The following PSD3 variants were observed in gnomAD, a reference collection of about 807,000 sequenced individuals.
PSD3 encodes the protein pleckstrin and Sec7 domain containing 3.
In PSD3, 49 loss-of-function variants were observed where a neutral mutation model predicts 105.5. The observed-to-expected ratio is 0.46, with a 90% confidence interval of 0.37 to 0.59. The LOEUF (loss-of-function observed/expected upper bound fraction) is 0.59, where lower values mean the gene tolerates loss of function less well. Ranked by LOEUF, PSD3 falls within the 20% of genes least tolerant of loss-of-function variation. PSD3 has a pLI of 0.00. For missense variants in PSD3, 1,561 were observed against 1,263.8 expected, an observed-to-expected ratio of 1.24 and a Z score of -3.57; for synonymous variants, 557 against 457.8, an observed-to-expected ratio of 1.22 and a Z score of -2.77.
At chr8:18,604,128 A>C (rs1184455821) in intron 11 of PSD3, among the ~76,000 whole-genome samples, 3 of 152,166 alleles carry the variant, frequency 2.0e-5, no homozygotes, top group African/African-American at 7.2e-5. Flanking sequence ...GCTCAGAATA[A>C]TACAGGAAGA....
intron 2 of PSD3, among the ~76,000 whole-genome samples, chr8:18,889,710 ATC>A (rs1304433903): frequency 6.6e-6 from 1 of 152,166 alleles, no homozygotes; most frequent in African/African-American, 2.4e-5. Flanking sequence ...GTGTCTAAGG[ATC>A]TGTAAGCATA....
At chr8:18,786,482 T>C (rs1051057132) in intron 8 of PSD3, among the ~76,000 whole-genome samples, 1 of 152,236 alleles carries the variant, frequency 6.6e-6, no homozygotes, top group African/African-American at 2.4e-5. Context: ...TATTTGGCAG[T>C]GCCTTCTGTC....
At chr8:18,731,114 G>C (rs1286400285) in intron 9 of PSD3, among the ~76,000 whole-genome samples, 2 of 151,582 alleles carry the variant, frequency 1.3e-5, no homozygotes, top group African/African-American at 2.4e-5. Flanking sequence ...AAATTAGCTG[G>C]ACGTGGGGGC....
chr8:18,970,181 C>G (rs4265219), intron 1 of PSD3, among the ~76,000 whole-genome samples: 46 of 150,952 alleles, frequency 3.0e-4, no homozygotes, highest in African/African-American at 1.1e-3. Flanking sequence ...AAAAATTAGC[C>G]GGGCGTGGTG....
chr8:19,073,550 C>CAAAAAAAA lies in PSD3; in HGVS notation c.324+10648_324+10655dup, dbSNP rs869154642. Among the ~76,000 whole-genome samples the CAAAAAAAA allele has an allele frequency of 4.4e-3, 305 of 69,142 alleles. 3 individuals are homozygous for CAAAAAAAA. The highest frequency in any genetic ancestry group is 6.1e-3 in the African/African-American group (99 of 16,276). The allele number at this position is 69,142 out of a possible 152,430, so 45.4% of individuals were successfully genotyped here. ...TGGGCGACAGAGTGAAACTGTCTCT[C>CAAAAAAAA]AAAAAAAAAAAAAAAAAAAAAAAAA... On this transcript the variant is annotated intron_variant, in intron 1 of 1. Coordinates refer to the PSD3 transcript ENST00000521475.
intron 1 of PSD3, among the ~76,000 whole-genome samples, chr8:19,003,742 C>CAG (rs1028992355): frequency 1.4e-5 from 2 of 144,144 alleles, no homozygotes; most frequent in Non-Finnish European, 3.0e-5. Flanking sequence ...ACCACACTGG[C>CAG]AGGGGGTGGG....
intron 11 of PSD3, among the ~76,000 whole-genome samples, chr8:18,610,227 T>C (rs1805156254): frequency 1.3e-5 from 2 of 152,092 alleles, no homozygotes; most frequent in Admixed American, 1.3e-4. Context: ...CTATACTTCT[T>C]TATTTGAGTC....
chr8:18,744,927 T>C (rs1804884088), intron 9 of PSD3, among the ~76,000 whole-genome samples: 1 of 152,204 alleles, frequency 6.6e-6, no homozygotes, highest in Non-Finnish European at 1.5e-5. Context: ...CAAAAGAAGA[T>C]GGGCCAGTTA....
chr8:18,854,975 G>A (rs1396687287), intron 4 of PSD3, among the ~76,000 whole-genome samples: 2 of 152,200 alleles, frequency 1.3e-5, no homozygotes, highest in African/African-American at 4.8e-5. Context: ...TGCCACAGAG[G>A]CATCCGAGAA....
intron 15 of PSD3, among the ~76,000 whole-genome samples, chr8:18,540,742 A>C (rs187123966): frequency 6.6e-6 from 1 of 152,198 alleles, no homozygotes; most frequent in East Asian, 1.9e-4. Flanking sequence ...GTTAAAACAC[A>C]AGACAGAGTG....
At chr8:18,966,675 G>C (rs1310748303) in intron 1 of PSD3, among the ~76,000 whole-genome samples, 1 of 152,014 alleles carries the variant, frequency 6.6e-6, no homozygotes, top group Non-Finnish European at 1.5e-5. Context: ...TCTCAAACAG[G>C]GGACTCCTCA....
intron 8 of PSD3, among the ~76,000 whole-genome samples, chr8:18,789,302 C>T (rs1371508526): frequency 6.6e-6 from 1 of 152,096 alleles, no homozygotes; most frequent in African/African-American, 2.4e-5. Context: ...TGATACACTG[C>T]AACCGACTAT....
chr8:18,859,423 G>C (rs1481915379), intron 4 of PSD3, among the ~76,000 whole-genome samples: 1 of 152,172 alleles, frequency 6.6e-6, no homozygotes, highest in African/African-American at 2.4e-5. Flanking sequence ...CTTCAATTTA[G>C]TGTCACTAGC....
At chr8:18,973,990 C>T (rs1250495549) in intron 1 of PSD3, among the ~76,000 whole-genome samples, 1 of 152,164 alleles carries the variant, frequency 6.6e-6, no homozygotes, top group African/African-American at 2.4e-5. Flanking sequence ...GGATCCCAGA[C>T]CATCACACTC....
chr8:18,956,958 A>AC (rs987712163), intron 1 of PSD3, among the ~76,000 whole-genome samples: 45 of 152,184 alleles, frequency 3.0e-4, no homozygotes, highest in Admixed American at 3.3e-4. Context: ...CATAGGGATA[A>AC]CCAAGAGTTA....
upstream of PSD3, among the ~76,000 whole-genome samples, chr8:19,018,542 G>A (rs532215951): frequency 1.3e-5 from 2 of 152,134 alleles, no homozygotes; most frequent in Non-Finnish European, 2.9e-5. Flanking sequence ...TGTTCCAATA[G>A]TCAATTCATT....
chr8:18,607,496 T>C (rs1804929282), intron 11 of PSD3, among the ~76,000 whole-genome samples: 2 of 151,948 alleles, frequency 1.3e-5, no homozygotes, highest in African/African-American at 2.4e-5. Flanking sequence ...GCAGCACTTG[T>C]TTCTCCATAG....
chr8:19,065,033 A>G (rs553497902), intron 1 of PSD3, among the ~76,000 whole-genome samples: 142 of 152,294 alleles, frequency 9.3e-4, no homozygotes, highest in African/African-American at 3.2e-3. Context: ...TTCCAAAAAA[A>G]CCAGGAGATT....
At position 18,835,931 on chromosome 8, in the gene PSD3, T is replaced by C. The variant is rs1269914849; in HGVS notation, c.1635-31033A>G. 2.0e-5 allele frequency among the ~76,000 whole-genome samples: 3 copies of C among 151,890 alleles called. No homozygotes were observed. The South Asian group carries it at 6.3e-4, about 32-fold the overall frequency. The stretch of plus-strand genomic sequence containing the variant: ...GGAGGTCATGGTAAAGGCTCTGGCT[T>C]TGACTCTGAGATAAGTCAACAAATT... On this transcript the variant is annotated intron_variant, in intron 4 of 15. Transcript: ENST00000327040.
Sources: allele counts gnomAD v4.1 joint callset (sites outside exome capture counted in the v4.1 genomes callset), GRCh38; gene constraint gnomAD v4.1.1; transcripts MANE v1.5; gene names NCBI Gene and HGNC (gene_info 2026-07-23, HGNC 2026-07-21).